TACR3: variants seen among roughly 807,000 people sequenced by gnomAD.
TACR3 encodes the protein neuromedin-K receptor.
TACR3 carries 34 observed loss-of-function variants against 35.0 expected under a neutral mutation model. The ratio of observed to expected loss-of-function variants is 0.97; its 90% CI spans 0.74 to 1.30. The LOEUF (loss-of-function observed/expected upper bound fraction) is 1.30. Among genes scored for constraint, TACR3 ranks in the 50% most tolerant of loss-of-function variants. TACR3 has a pLI of 0.00. For missense variants in TACR3, 558 were observed against 591.7 expected (o/e 0.94, Z 0.59); for synonymous variants, 233 against 221.1 (o/e 1.05, Z -0.48).
chr4:103,719,317 G>A lies in TACR3; in HGVS notation c.359C>T (p.Thr120Ile). Residue 120 changes from threonine (T) to isoleucine (I), a missense_variant, in exon 1 of 5, where the codon ACC (threonine) becomes ATC (isoleucine). Thr to Ile is a moderately conservative substitution (Grantham distance 89, BLOSUM62 -1). Coordinates refer to ENST00000304883, the MANE Select transcript of TACR3 (RefSeq NM_001059.3). ...ILAHKRMRTV[T>I]NYFLVNLAFS... The stretch of plus-strand genomic sequence containing the variant: ...AGCCAGGTTCACAAGGAAGTAGTTG[G>A]TGACAGTCCTCATGCGCTTGTGGGC... 5.6e-6 allele frequency: 9 copies of A among 1,614,220 alleles called. No homozygotes were observed. Among genetic ancestry groups the A allele is most frequent in the Non-Finnish European group, 6.8e-6 (8 of 1,180,040 alleles).
chr4:103,588,219 A>G lies in TACR3; in HGVS notation c.*1463T>C, dbSNP rs1425978215. 3 of 152,162 alleles carry G rather than the reference A, an allele frequency of 2.0e-5. No individual in the cohort carries two copies. Among genetic ancestry groups the G allele is most frequent in the Non-Finnish European group, 2.9e-5 (2 of 67,994 alleles). The allele number at this position is 152,162 out of a possible 1,614,324, so 9.4% of individuals were successfully genotyped here. A position where few individuals can be genotyped will look rare whatever the true frequency, so the allele number is the denominator to read the frequency against. On this transcript the variant is annotated 3_prime_UTR_variant, in exon 5 of 5. Transcript: ENST00000304883. ...TAATATCGGTGGAGGCACAACAGTA[A>G]AGTGTTTGTTAGAGAGTATTATTTT...
At chr4:103,598,929 T>C (rs1429605052) in intron 3 of TACR3, among the ~76,000 whole-genome samples, 2 of 152,094 alleles carry the variant, frequency 1.3e-5, no homozygotes, top group African/African-American at 4.8e-5. Flanking sequence ...ACTGACTTGG[T>C]GATGCAGGCT....
At chr4:103,614,514 A>G (rs1454093624) in intron 3 of TACR3, among the ~76,000 whole-genome samples, 1 of 152,210 alleles carries the variant, frequency 6.6e-6, no homozygotes, top group Non-Finnish European at 1.5e-5. Context: ...TTACAGTCAA[A>G]CCTTTCAGTC....
chr4:103,655,522 C>T (rs7657032), intron 3 of TACR3, among the ~76,000 whole-genome samples: 62,814 of 151,480 alleles, frequency 0.41, 15,094 homozygotes, highest in African/African-American at 0.68. Flanking sequence ...AGTCGCATAA[C>T]GATAGTAGAA....
Position 103,589,823 on chromosome 4 carries a change from G to A in TACR3, c.1257C>T (p.Asp419=). The change falls in exon 5 of 5, where the codon GAC becomes GAT. Residue 419 remains aspartate (D), a synonymous_variant. Transcript: ENST00000304883. ...TTTTCTTCCGACTGGACCTGGTGGT[G>A]TCTGCATCGTTGGGGTCAAACACGA... ...MTVVFDPNDA[D]TTRSSRKKRA... is the part of the protein sequence containing the mutation. The A allele has an allele frequency of 8.7e-6, 14 of 1,613,970 alleles. No individual in the cohort carries two copies. The highest frequency in any genetic ancestry group is 1.2e-5 in the Non-Finnish European group (14 of 1,179,888).
chr4:103,638,841 G>T (rs1431508754), intron 3 of TACR3, among the ~76,000 whole-genome samples: 2 of 152,112 alleles, frequency 1.3e-5, no homozygotes, highest in Non-Finnish European at 1.5e-5. Context: ...ATGAAAAAAT[G>T]CTCATCATCA....
intron 3 of TACR3, among the ~76,000 whole-genome samples, chr4:103,646,460 A>G: frequency 6.6e-6 from 1 of 152,106 alleles, no homozygotes; most frequent in East Asian, 1.9e-4. Flanking sequence ...TTTTATAATT[A>G]TAATCATTTA....
At chr4:103,590,303 A>G (rs1473119723) in intron 4 of TACR3, among the ~76,000 whole-genome samples, 1 of 152,236 alleles carries the variant, frequency 6.6e-6, no homozygotes, top group East Asian at 1.9e-4. Context: ...AAGAAACAGT[A>G]CATTTTTCTA....
At chr4:103,693,339 T>C (rs137947044) in intron 1 of TACR3, among the ~76,000 whole-genome samples, 8 of 152,330 alleles carry the variant, frequency 5.3e-5, no homozygotes, top group Admixed American at 2.6e-4. Context: ...TTATTTTTTA[T>C]GGGCAGACAC....
chr4:103,620,545 C>T (rs575535437), intron 3 of TACR3, among the ~76,000 whole-genome samples: 1 of 152,164 alleles, frequency 6.6e-6, no homozygotes, highest in Admixed American at 6.5e-5. Context: ...CCCATATACA[C>T]CTTGAAATAC....
intron 3 of TACR3, among the ~76,000 whole-genome samples, chr4:103,646,959 C>A (rs532744962): frequency 1.3e-5 from 2 of 151,942 alleles, no homozygotes; most frequent in African/African-American, 4.8e-5. Context: ...TATTTAATTT[C>A]TTTTACCAAA....
chr4:103,699,163 A>G (rs979877221), intron 1 of TACR3, among the ~76,000 whole-genome samples: 1 of 152,248 alleles, frequency 6.6e-6, no homozygotes, highest in East Asian at 1.9e-4. Context: ...GTCCAATTAC[A>G]TAGTATTTTA....
intron 1 of TACR3, among the ~76,000 whole-genome samples, chr4:103,715,614 TA>T (rs1320674252): frequency 6.6e-6 from 1 of 152,142 alleles, no homozygotes; most frequent in Non-Finnish European, 1.5e-5. Flanking sequence ...GTATGTGGTT[TA>T]AAAAAATATT....
chr4:103,673,315 A>T (rs991376506), intron 1 of TACR3, among the ~76,000 whole-genome samples: 3 of 152,144 alleles, frequency 2.0e-5, no homozygotes, highest in Non-Finnish European at 4.4e-5. Flanking sequence ...AAGCTTAATC[A>T]TTTCTAGCTT....
chr4:103,668,183 G>T (rs971072610), intron 1 of TACR3, among the ~76,000 whole-genome samples: 1 of 152,088 alleles, frequency 6.6e-6, no homozygotes, highest in African/African-American at 2.4e-5. Flanking sequence ...TATGTTGTAG[G>T]TCTGGTTCCA....
chr4:103,717,480 A>C (rs1236984613), intron 1 of TACR3, among the ~76,000 whole-genome samples: 1 of 152,152 alleles, frequency 6.6e-6, no homozygotes, highest in African/African-American at 2.4e-5. Context: ...CTCCAAGACA[A>C]TCCCATAAAT....
At position 103,588,108 on chromosome 4, in the gene TACR3, T is replaced by C. The variant is rs542433598; in HGVS notation, c.*1574A>G. On this transcript the variant is annotated 3_prime_UTR_variant, in exon 5 of 5. Coordinates refer to ENST00000304883, the MANE Select transcript of TACR3 (RefSeq NM_001059.3). ...CAATTGGATATTTCTGGTTTTGGCT[T>C]CAAAATAGGGAAGAGATTTGAGAAA... is the stretch of plus-strand genomic sequence containing the variant. 1 of 152,164 alleles carries C rather than the reference T, an allele frequency of 6.6e-6. No individual in the cohort carries two copies. The highest frequency in any genetic ancestry group is 2.1e-4 in the South Asian group (1 of 4,824). The allele number at this position is 152,164 out of a possible 1,614,324, so 9.4% of individuals were successfully genotyped here. A position where few individuals can be genotyped will look rare whatever the true frequency, so the allele number is the denominator to read the frequency against.
chr4:103,660,442 T>A (rs1441959141), intron 1 of TACR3, among the ~76,000 whole-genome samples: 1 of 152,066 alleles, frequency 6.6e-6, no homozygotes, highest in Non-Finnish European at 1.5e-5. Context: ...TCTAGACTTC[T>A]GCTGTATAAC....
chr4:103,687,671 C>T (rs1722281629), intron 1 of TACR3, among the ~76,000 whole-genome samples: 1 of 152,092 alleles, frequency 6.6e-6, no homozygotes, highest in African/African-American at 2.4e-5. Flanking sequence ...AATAAAATAC[C>T]TAGGAATCCA....
Sources: allele counts gnomAD v4.1 joint callset (sites outside exome capture counted in the v4.1 genomes callset), GRCh38; gene constraint gnomAD v4.1.1; transcripts MANE v1.5; gene names NCBI Gene and HGNC (gene_info 2026-07-23, HGNC 2026-07-21).